PDLIM5: variants seen among roughly 807,000 people sequenced by gnomAD.
PDLIM5 encodes PDZ and LIM domain 5.
PDLIM5 carries 34 observed loss-of-function variants against 64.2 expected under a neutral mutation model. The observed-to-expected ratio is 0.53, with a 90% CI of 0.40 to 0.71. PDLIM5 has a LOEUF of 0.71. Among genes scored for constraint, PDLIM5 ranks in the 30% least tolerant of loss-of-function variants. The pLI, the probability that PDLIM5 is intolerant of heterozygous loss-of-function variation, is 0.00. For synonymous variants in PDLIM5, 253 were observed against 269.1 expected (o/e 0.94, Z 0.59); for missense variants, 683 against 733.6 (o/e 0.93, Z 0.80).
chr4:94,626,100 C>T (rs889508049), intron 8 of PDLIM5, among the ~76,000 whole-genome samples: 2 of 152,136 alleles, frequency 1.3e-5, no homozygotes, highest in Admixed American at 6.5e-5. Context: ...CGGGAAAAAA[C>T]ACAAACTTGC....
At chr4:94,499,481 ATG>A (rs1231613195) in intron 2 of PDLIM5, among the ~76,000 whole-genome samples, 4 of 152,238 alleles carry the variant, frequency 2.6e-5, no homozygotes, top group African/African-American at 9.6e-5. Context: ...AAGAAAAACA[ATG>A]TAACAATAAA....
chr4:94,480,835 A>G (rs2126105963), intron 2 of PDLIM5, among the ~76,000 whole-genome samples: 1 of 152,286 alleles, frequency 6.6e-6, no homozygotes, highest in East Asian at 1.9e-4. Flanking sequence ...CAGCACAGAC[A>G]ATACAAAAAA....
intron 8 of PDLIM5, among the ~76,000 whole-genome samples, chr4:94,627,611 C>A (rs1245985329): frequency 6.6e-6 from 1 of 152,174 alleles, no homozygotes; most frequent in African/African-American, 2.4e-5. Flanking sequence ...AAAACAGCTA[C>A]GGTACGGTTG....
At chr4:94,605,731 A>T (rs955132823) in intron 7 of PDLIM5, among the ~76,000 whole-genome samples, 4 of 152,180 alleles carry the variant, frequency 2.6e-5, no homozygotes, top group Non-Finnish European at 4.4e-5. Context: ...TTGGAAGATG[A>T]CTTGGAGATC....
chr4:94,593,326 G>A (rs1736817233), intron 7 of PDLIM5, among the ~76,000 whole-genome samples: 1 of 152,148 alleles, frequency 6.6e-6, no homozygotes, highest in Admixed American at 6.5e-5. Context: ...ACTGTTTTCA[G>A]TCAGTTTAGG....
chr4:94,666,550 T>A lies in PDLIM5; in HGVS notation c.*2483T>A, dbSNP rs1223452367. 6.6e-6 allele frequency: 1 copy of A among 151,776 alleles called. No individual in the cohort carries two copies. Among genetic ancestry groups the A allele is most frequent in the Non-Finnish European group, 1.5e-5 (1 of 67,804 alleles). The allele number at this position is 151,776 out of a possible 1,614,324, so 9.4% of individuals were successfully genotyped here. On this transcript the variant is annotated 3_prime_UTR_variant, in exon 13 of 13. Transcript: ENST00000317968. The stretch of plus-strand genomic sequence containing the variant: ...GTATGTTATAGAATACAAAATAAGT[T>A]GATGGTTTTGTTTGGTGTGAGCTTT...
chr4:94,577,211 A>G, intron 5 of PDLIM5: 1 of 457,264 alleles, frequency 2.2e-6, no homozygotes, highest in South Asian at 1.5e-5. Flanking sequence ...TACCAATGCC[A>G]GTTCCCAGGA....
intron 3 of PDLIM5, among the ~76,000 whole-genome samples, chr4:94,542,856 C>T (rs867788637): frequency 3.9e-5 from 6 of 151,934 alleles, no homozygotes; most frequent in Non-Finnish European, 7.4e-5. Flanking sequence ...AAAATTGTTT[C>T]CTAAAAACAA....
intron 7 of PDLIM5, among the ~76,000 whole-genome samples, chr4:94,615,615 T>G (rs952593160): frequency 6.6e-6 from 1 of 152,194 alleles, no homozygotes; most frequent in Non-Finnish European, 1.5e-5. Flanking sequence ...AGATTGTAGC[T>G]TTATCTTAGA....
intron 7 of PDLIM5, among the ~76,000 whole-genome samples, chr4:94,608,818 T>G (rs1046286921): frequency 2.0e-5 from 3 of 152,174 alleles, no homozygotes; most frequent in African/African-American, 7.2e-5. Flanking sequence ...ATAACTTTAT[T>G]ATTCCCTTTG....
At chr4:94,640,133 G>C in intron 8 of PDLIM5, 143 bp from the exon 9 acceptor site, 1 of 435,196 alleles carries the variant, frequency 2.3e-6, no homozygotes, top group Non-Finnish European at 4.0e-6. Flanking sequence ...CCTAGTGTTT[G>C]ATTCATAACC....
intron 2 of PDLIM5, among the ~76,000 whole-genome samples, chr4:94,496,981 A>G (rs1033903709): frequency 1.3e-5 from 2 of 152,204 alleles, no homozygotes; most frequent in Non-Finnish European, 2.9e-5. Context: ...TATTGATGGT[A>G]GTGCATAAAA....
chr4:94,647,552 A>G (rs1226480722), intron 9 of PDLIM5, among the ~76,000 whole-genome samples: 1 of 152,160 alleles, frequency 6.6e-6, no homozygotes, highest in Non-Finnish European at 1.5e-5. Flanking sequence ...TAATAGTTGG[A>G]AACTTCAACA....
intron 2 of PDLIM5, among the ~76,000 whole-genome samples, chr4:94,485,849 C>CAAAAAAAA (rs10637280): frequency 1.0e-5 from 1 of 100,238 alleles, no homozygotes; most frequent in African/African-American, 3.8e-5. Context: ...GACTCCGTCT[C>CAAAAAAAA]AAAAAAAAAA....
At chr4:94,513,274 A>G (rs1310733385) in intron 2 of PDLIM5, among the ~76,000 whole-genome samples, 1 of 152,126 alleles carries the variant, frequency 6.6e-6, no homozygotes, top group South Asian at 2.1e-4. Context: ...GAAGAATGTC[A>G]TTGGTATTTT....
At chr4:94,467,025 G>A (rs1035224612) in intron 2 of PDLIM5, among the ~76,000 whole-genome samples, 6 of 152,136 alleles carry the variant, frequency 3.9e-5, no homozygotes, top group Admixed American at 3.9e-4. Flanking sequence ...TAAGGCCATG[G>A]CCAGAGAGAT....
chr4:94,463,579 C>T (rs1228819943), intron 2 of PDLIM5, among the ~76,000 whole-genome samples: 1 of 152,018 alleles, frequency 6.6e-6, no homozygotes, highest in Non-Finnish European at 1.5e-5. Context: ...GTTGGTCTTG[C>T]TGTCTCAGGG....
intron 3 of PDLIM5, among the ~76,000 whole-genome samples, chr4:94,537,701 G>C (rs948731685): frequency 6.6e-6 from 1 of 152,084 alleles, no homozygotes; most frequent in African/African-American, 2.4e-5. Flanking sequence ...ATGTTCATTA[G>C]TCGTGTAATC....
At chr4:94,565,442 T>TC (rs1353020660) in intron 3 of PDLIM5, among the ~76,000 whole-genome samples, 1 of 152,210 alleles carries the variant, frequency 6.6e-6, no homozygotes, top group African/African-American at 2.4e-5. Context: ...GGGGCACACA[T>TC]CAGTCCTGAA....
Sources: allele counts gnomAD v4.1 joint callset (sites outside exome capture counted in the v4.1 genomes callset), GRCh38; gene constraint gnomAD v4.1.1; transcripts MANE v1.5; gene names NCBI Gene and HGNC (gene_info 2026-07-23, HGNC 2026-07-21).